Variants in CDC73 observed in about 807,000 individuals in gnomAD.
CDC73 encodes parafibromin.
CDC73 carries 21 observed loss-of-function variants against 83.7 expected under a neutral mutation model. The observed-to-expected ratio is 0.25, with a 90% CI of 0.18 to 0.36. CDC73 has a LOEUF of 0.36. CDC73 is among the 10% of genes least tolerant of loss of function. The pLI, the probability that CDC73 is intolerant of heterozygous loss-of-function variation, is 1.00. For missense variants in CDC73, 342 were observed against 653.3 expected, an observed-to-expected ratio of 0.52 and a Z score of 5.19; for synonymous variants, 224 against 212.9, an observed-to-expected ratio of 1.05 and a Z score of -0.45.
intron 8 of CDC73, 22 bp from the exon 9 acceptor site, chr1:193,150,282 C>CCG: frequency 2.0e-6 from 3 of 1,471,760 alleles, no homozygotes; most frequent in Non-Finnish European, 2.9e-6. Context: ...TAACAAGTAA[C>CCG]TCATAATTAA....
At chr1:193,223,181 T>G (rs1311028781) in intron 13 of CDC73, among the ~76,000 whole-genome samples, 1 of 152,170 alleles carries the variant, frequency 6.6e-6, no homozygotes. Flanking sequence ...GAATGTTGTT[T>G]CATACATGAT....
chr1:193,168,785 A>G (rs777401185), intron 10 of CDC73, among the ~76,000 whole-genome samples: 46 of 152,090 alleles, frequency 3.0e-4, no homozygotes, highest in Non-Finnish European at 6.5e-4. Flanking sequence ...TCAGCCTCCC[A>G]AAGTGCTGGG....
chr1:193,174,391 C>G lies in CDC73; in HGVS notation c.972+21947C>G, dbSNP rs555348898. Among the ~76,000 whole-genome samples, 156 of 152,020 alleles carry G rather than the reference C, an allele frequency of 1.0e-3. 1 individual carries two copies. The highest frequency in any genetic ancestry group is 1.9e-3 in the Non-Finnish European group (132 of 67,998). On this transcript the variant is annotated intron_variant, in intron 10 of 16. Transcript: ENST00000367435. ...AAATATATGAATTTGAAGGTAGAAA[C>G]TATGTCTTTCTTGCCTTCCACTATA...
intron 13 of CDC73, among the ~76,000 whole-genome samples, chr1:193,215,823 C>A (rs1677358168): frequency 6.6e-6 from 1 of 152,058 alleles, no homozygotes; most frequent in Non-Finnish European, 1.5e-5. Flanking sequence ...CTCCTGGGCC[C>A]AAGTGAGCTG....
At chr1:193,181,276 G>A (rs1390591829) in intron 10 of CDC73, 3 of 1,614,064 alleles carry the variant, frequency 1.9e-6, no homozygotes, top group South Asian at 1.1e-5. Flanking sequence ...AGAGTTAGTT[G>A]CTGTTTGAGG....
intron 11 of CDC73, among the ~76,000 whole-genome samples, chr1:193,210,563 A>G (rs986132747): frequency 2.6e-5 from 4 of 152,180 alleles, no homozygotes; most frequent in Non-Finnish European, 5.9e-5. Context: ...AAATATTTCT[A>G]AGCATTAAAA....
At chr1:193,148,639 ATTTTT>A (rs894987430) in intron 8 of CDC73, among the ~76,000 whole-genome samples, 20 of 113,678 alleles carry the variant, frequency 1.8e-4, no homozygotes, top group Middle Eastern at 4.7e-3. Flanking sequence ...AAAATTTATA[ATTTTT>A]TTTTTTTTTT....
chr1:193,179,080 C>G (rs1558300110), intron 10 of CDC73: 1 of 152,104 alleles, frequency 6.6e-6, no homozygotes, highest in Non-Finnish European at 1.5e-5. Context: ...TTAAAAACTT[C>G]ATAAAAGTGC....
chr1:193,206,376 A>G (rs1442167874), intron 11 of CDC73, among the ~76,000 whole-genome samples: 2 of 152,188 alleles, frequency 1.3e-5, no homozygotes, highest in African/African-American at 4.8e-5. Flanking sequence ...CTTCACACCC[A>G]TACATCCACA....
intron 13 of CDC73, among the ~76,000 whole-genome samples, chr1:193,230,425 G>T (rs1164623551): frequency 6.7e-6 from 1 of 148,962 alleles, no homozygotes; most frequent in East Asian, 2.0e-4. Flanking sequence ...GGGATTACAG[G>T]CATAAGCCAC....
chr1:193,157,020 T>C (rs914540955), intron 10 of CDC73, among the ~76,000 whole-genome samples: 2 of 152,068 alleles, frequency 1.3e-5, no homozygotes, highest in African/African-American at 4.8e-5. Context: ...GAGCCTAAAA[T>C]TGGGGGATTT....
chr1:193,142,064 A>G lies in CDC73; in HGVS notation c.727A>G (p.Lys243Glu). Residue 243 changes from lysine (K) to glutamate (E), a missense_variant and splice_region_variant, in exon 7 of 17, where the codon AAG becomes GAG. By Grantham distance (56) the Lys-to-Glu change is moderately conservative (BLOSUM62 1). Transcript: ENST00000367435. ...AACAACTATCTTACAAAGCACAGGA[A>G]AGGTAATTAAAATATTTTACTCATT... ...TRTTILQSTG[K>E]NFSKNIFAIL... The G allele has an allele frequency of 1.2e-6, 2 of 1,607,330 alleles. No homozygotes were observed. The highest frequency in any genetic ancestry group is 2.7e-5 in the African/African-American group (2 of 74,880).
chr1:193,233,367 A>G (rs993902664), intron 14 of CDC73, among the ~76,000 whole-genome samples: 2 of 151,872 alleles, frequency 1.3e-5, no homozygotes, highest in African/African-American at 4.8e-5. Flanking sequence ...GGCAGCCTAT[A>G]TTTTTTAAAT....
chr1:193,239,606 T>A (rs1218796269), intron 15 of CDC73, among the ~76,000 whole-genome samples: 1 of 151,730 alleles, frequency 6.6e-6, no homozygotes, highest in Non-Finnish European at 1.5e-5. Flanking sequence ...ACATTTAAAA[T>A]TTTTTTTTGT....
chr1:193,193,388 A>G (rs1441080038), intron 10 of CDC73, among the ~76,000 whole-genome samples: 3 of 152,212 alleles, frequency 2.0e-5, no homozygotes, highest in African/African-American at 7.2e-5. Flanking sequence ...TTTGTCTTTC[A>G]TATATAAACT....
chr1:193,161,706 CTA>C lies in CDC73; in HGVS notation c.972+9264_972+9265del, dbSNP rs1454413068. 4.9e-4 allele frequency among the ~76,000 whole-genome samples: 6 copies of C among 12,234 alleles called. 3 individuals are homozygous for C. Among genetic ancestry groups the C allele is most frequent in the Admixed American group, 2.9e-3 (2 of 682 alleles). The allele number at this position is 12,234 out of a possible 152,430, so 8.0% of individuals were successfully genotyped here. A position where few individuals can be genotyped will look rare whatever the true frequency, so the allele number is the denominator to read the frequency against. The stretch of plus-strand genomic sequence containing the variant: ...ATATAATATATAATATATTATATAT[CTA>C]TCATATAATATAATATATATAATAT... On this transcript the variant is annotated intron_variant, in intron 10 of 16. Coordinates refer to ENST00000367435, the MANE Select transcript of CDC73 (RefSeq NM_024529.5).
At chr1:193,235,116 T>G (rs1213163401) in intron 14 of CDC73, among the ~76,000 whole-genome samples, 1 of 152,140 alleles carries the variant, frequency 6.6e-6, no homozygotes, top group Non-Finnish European at 1.5e-5. Flanking sequence ...CTAAGACCCT[T>G]TCACAGAGTT....
At chr1:193,194,309 A>G (rs1558306575) in intron 10 of CDC73, among the ~76,000 whole-genome samples, 1 of 152,182 alleles carries the variant, frequency 6.6e-6, no homozygotes, top group Non-Finnish European at 1.5e-5. Flanking sequence ...TTTATAGGTG[A>G]AGTAACTAAG....
At chr1:193,171,830 T>G (rs967399022) in intron 10 of CDC73, among the ~76,000 whole-genome samples, 45 of 152,220 alleles carry the variant, frequency 3.0e-4, no homozygotes, top group Non-Finnish European at 5.4e-4. Flanking sequence ...ACCACCACAC[T>G]CAATCAATAT....
Sources: gnomAD v4.1 joint callset for allele counts (sites outside exome capture counted in the v4.1 genomes callset) on GRCh38, gnomAD v4.1.1 for gene constraint, MANE v1.5 for transcripts, NCBI Gene and HGNC (gene_info 2026-07-23, HGNC 2026-07-21) for gene names.